The following PALLD variants were observed in gnomAD, a reference collection of about 807,000 sequenced individuals.
PALLD encodes the protein palladin, cytoskeletal associated protein.
In PALLD, 61 loss-of-function variants were observed where a neutral mutation model predicts 123.5. The observed-to-expected ratio is 0.49, with a 90% CI of 0.40 to 0.61. PALLD has a LOEUF of 0.61. Among genes scored for constraint, PALLD ranks in the 20% least tolerant of loss-of-function variants. PALLD has a pLI of 0.00. For missense variants in PALLD, 1,273 were observed against 1,377.0 expected (o/e 0.92, Z 1.20); for synonymous variants, 465 against 496.4 (o/e 0.94, Z 0.84).
At chr4:168,835,430 G>A (rs1745011771) in intron 10 of PALLD, among the ~76,000 whole-genome samples, 1 of 152,098 alleles carries the variant, frequency 6.6e-6, no homozygotes, top group African/African-American at 2.4e-5. Context: ...GTTCTTTTGA[G>A]ACACCATACA....
At chr4:168,825,891 A>G (rs897531427) in intron 10 of PALLD, among the ~76,000 whole-genome samples, 6 of 152,232 alleles carry the variant, frequency 3.9e-5, no homozygotes, top group African/African-American at 1.4e-4. Flanking sequence ...GACTTTATGC[A>G]TGATCTTACC....
At chr4:168,551,366 C>T (rs557086732) in intron 2 of PALLD, among the ~76,000 whole-genome samples, 2 of 152,274 alleles carry the variant, frequency 1.3e-5, no homozygotes, top group Middle Eastern at 6.8e-3. Flanking sequence ...CTGGCAATGA[C>T]AGTTTATCAG....
At chr4:168,877,870 G>A (rs759431504) in intron 10 of PALLD, 36 of 1,415,722 alleles carry the variant, frequency 2.5e-5, no homozygotes, top group East Asian at 3.2e-5. Context: ...CGGCCTGCAC[G>A]CCGCCCGCGT....
At chr4:168,669,163 C>CT (rs755409186) in intron 3 of PALLD, among the ~76,000 whole-genome samples, 14 of 152,068 alleles carry the variant, frequency 9.2e-5, no homozygotes, top group Non-Finnish European at 1.6e-4. Context: ...GAGGTCTGTA[C>CT]TTTTTTAAAC....
intron 17 of PALLD, among the ~76,000 whole-genome samples, chr4:168,916,491 A>ACTTTAAATCT (rs11280960): frequency 0.53 from 80,186 of 151,396 alleles, 24,749 homozygotes; most frequent in East Asian, 0.88. Flanking sequence ...ATGATTCTTT[A>ACTTTAAATCT]AATCTAAATT....
chr4:168,785,058 C>CTTTTTTTTTTTTTT (rs746597278), intron 10 of PALLD, among the ~76,000 whole-genome samples: 7 of 84,830 alleles, frequency 8.3e-5, no homozygotes, highest in African/African-American at 2.5e-4. Flanking sequence ...CTCCCTTTTG[C>CTTTTTTTTTTTTTT]TTTTTTTTTT....
At chr4:168,763,759 A>G (rs959876228) in intron 10 of PALLD, among the ~76,000 whole-genome samples, 1 of 152,142 alleles carries the variant, frequency 6.6e-6, no homozygotes, top group African/African-American at 2.4e-5. Flanking sequence ...TTTTTGTTTT[A>G]GATCAGCATC....
intron 10 of PALLD, among the ~76,000 whole-genome samples, chr4:168,800,265 T>TA (rs1237045221): frequency 6.6e-6 from 1 of 151,964 alleles, no homozygotes; most frequent in East Asian, 1.9e-4. Flanking sequence ...GTAGTTCAAA[T>TA]AAAAAAATTC....
chr4:168,507,971 A>G (rs1762169387), intron 1 of PALLD, among the ~76,000 whole-genome samples: 1 of 152,166 alleles, frequency 6.6e-6, no homozygotes, highest in Admixed American at 6.5e-5. Context: ...GCTCTTCCTC[A>G]TCCCTCACAC....
chr4:168,575,757 A>T (rs1024064187), intron 2 of PALLD, among the ~76,000 whole-genome samples: 2 of 152,126 alleles, frequency 1.3e-5, no homozygotes, highest in African/African-American at 4.8e-5. Context: ...AGTACATCTG[A>T]GCTGGGGCTT....
intron 2 of PALLD, chr4:168,648,894 T>C (rs963361927): frequency 6.6e-6 from 1 of 152,258 alleles, no homozygotes; most frequent in Non-Finnish European, 1.5e-5. Context: ...AAGCTGTAAG[T>C]AGACACCTTG....
chr4:168,602,333 T>C (rs1163683477), intron 2 of PALLD, among the ~76,000 whole-genome samples: 1 of 152,224 alleles, frequency 6.6e-6, no homozygotes, highest in Admixed American at 6.5e-5. Context: ...ACATAGACTC[T>C]GAATTCCAGG....
chr4:168,875,315 GC>G (rs1352843769), intron 10 of PALLD, among the ~76,000 whole-genome samples: 1 of 151,978 alleles, frequency 6.6e-6, no homozygotes, highest in African/African-American at 2.4e-5. Context: ...CATTCTTTCG[GC>G]CTTTTTATCT....
intron 2 of PALLD, among the ~76,000 whole-genome samples, chr4:168,596,853 G>GT (rs1772037599): frequency 6.6e-6 from 1 of 151,916 alleles, no homozygotes; most frequent in South Asian, 2.1e-4. Flanking sequence ...TTCTTAAACT[G>GT]TGCTTATCTC....
Position 168,669,842 on chromosome 4 carries a change from G to A in PALLD, c.1087+1474G>A, listed in dbSNP as rs143904078. On this transcript the variant is annotated intron_variant, in intron 3 of 21. Transcript: ENST00000505667. ...CACACACAATCATTTATACTTTGCC[G>A]TAGCCTACGAGGTATTATTAGTGTT... Among the ~76,000 whole-genome samples the A allele has an allele frequency of 3.7e-4, 56 of 150,308 alleles. 1 individual carries two copies. Among genetic ancestry groups the A allele is most frequent in the South Asian group, 1.0e-3 (5 of 4,782 alleles).
At chr4:168,502,295 G>T (rs1038137524) in intron 1 of PALLD, among the ~76,000 whole-genome samples, 2 of 152,156 alleles carry the variant, frequency 1.3e-5, no homozygotes, top group Non-Finnish European at 2.9e-5. Context: ...TAACAGAATT[G>T]CCAGAAAATA....
chr4:168,916,447 G>A (rs796348530), intron 17 of PALLD, among the ~76,000 whole-genome samples: 5 of 151,104 alleles, frequency 3.3e-5, no homozygotes, highest in African/African-American at 1.2e-4. Flanking sequence ...GGGGGAAAAA[G>A]TGAAATACGT....
intron 10 of PALLD, among the ~76,000 whole-genome samples, chr4:168,799,498 T>C (rs1293529403): frequency 6.6e-6 from 1 of 152,240 alleles, no homozygotes; most frequent in Non-Finnish European, 1.5e-5. Flanking sequence ...CCTTATCAAT[T>C]GTGCTACCTT....
At chr4:168,567,076 AG>A (rs1225245956) in intron 2 of PALLD, among the ~76,000 whole-genome samples, 1 of 152,246 alleles carries the variant, frequency 6.6e-6, no homozygotes, top group African/African-American at 2.4e-5. Flanking sequence ...TTGTCTCTGT[AG>A]CTCCATTTTG....
Sources: gnomAD v4.1 joint callset for allele counts (sites outside exome capture counted in the v4.1 genomes callset) on GRCh38, gnomAD v4.1.1 for gene constraint, MANE v1.5 for transcripts, NCBI Gene and HGNC (gene_info 2026-07-23, HGNC 2026-07-21) for gene names.